The following ARHGEF10 variants were observed in gnomAD, a reference collection of about 807,000 sequenced individuals.
ARHGEF10 encodes Rho guanine nucleotide exchange factor 10.
ARHGEF10 carries 140 observed loss-of-function variants against 147.4 expected under a neutral mutation model. The observed-to-expected ratio is 0.95, with a 90% CI of 0.83 to 1.09. ARHGEF10 has a LOEUF of 1.09. Ranked by LOEUF, ARHGEF10 falls within the 50% of genes least tolerant of loss-of-function variation. The pLI is 0.00. For missense variants in ARHGEF10, 2,222 were observed against 1,752.7 expected (o/e 1.27, Z -4.78); for synonymous variants, 902 against 695.8 (o/e 1.30, Z -4.67).
chr8:1,923,733 C>A, intron 20 of ARHGEF10, 41 bp from the exon 21 acceptor site: 1 of 1,613,300 alleles, frequency 6.2e-7, no homozygotes, highest in Non-Finnish European at 8.5e-7. Flanking sequence ...CAGGATGGAG[C>A]ACGTTTTATA....
intron 25 of ARHGEF10, among the ~76,000 whole-genome samples, chr8:1,932,514 G>T (rs895856040): frequency 1.3e-5 from 2 of 152,126 alleles, no homozygotes; most frequent in African/African-American, 2.4e-5. Context: ...GCATGTGCAC[G>T]TGTGTGTGTG....
chr8:1,936,756 T>TA (rs1400469830), intron 26 of ARHGEF10, among the ~76,000 whole-genome samples: 1 of 152,218 alleles, frequency 6.6e-6, no homozygotes, highest in Admixed American at 6.5e-5. Context: ...TCATGAATCA[T>TA]ATTTGCACAC....
At chr8:1,852,209 C>T (rs1805209614) in intron 2 of ARHGEF10, among the ~76,000 whole-genome samples, 2 of 152,140 alleles carry the variant, frequency 1.3e-5, no homozygotes, top group South Asian at 2.1e-4. Flanking sequence ...CCCTCTAGAA[C>T]CTCTCCATCA....
At chr8:1,886,200 T>G (rs528877173) in intron 11 of ARHGEF10, among the ~76,000 whole-genome samples, 1 of 152,288 alleles carries the variant, frequency 6.6e-6, no homozygotes, top group East Asian at 1.9e-4. Context: ...TGGTTTTCAT[T>G]GGATTGTCTT....
At chr8:1,839,935 TGGTGTGGGGACTGTCC>T (rs1803878640) in intron 1 of ARHGEF10, among the ~76,000 whole-genome samples, 14 of 117,756 alleles carry the variant, frequency 1.2e-4, no homozygotes, top group East Asian at 9.3e-4. Flanking sequence ...GGGGACTGTC[TGGTGTGGGGACTGTCC>T]GGTGTGGAAG....
Position 1,869,441 on chromosome 8 carries a change from C to A in ARHGEF10, c.679+191C>A. Reference sequence around the variant, plus strand: ...GCACATATGTGTGTGTGCTTATAACCCTTGAAATAGGGCAGTTTAATCTTA... The same window carrying A: ...GCACATATGTGTGTGTGCTTATAACACTTGAAATAGGGCAGTTTAATCTTA... On this transcript the variant is annotated intron_variant, in intron 7 of 28. Transcript: ENST00000349830. The A allele has an allele frequency of 8.6e-6, 6 of 699,632 alleles. No homozygotes were observed. In the South Asian group the frequency reaches 9.0e-5, roughly 10 times the overall value. 43.3% of individuals were successfully genotyped at this position (699,632 alleles called of 1,614,324 possible). A position where few individuals can be genotyped will look rare whatever the true frequency, so the allele number is the denominator to read the frequency against.
intron 2 of ARHGEF10, among the ~76,000 whole-genome samples, chr8:1,855,522 C>G (rs996599743): frequency 1.3e-5 from 2 of 151,760 alleles, no homozygotes; most frequent in African/African-American, 4.8e-5. Context: ...GGTGGGACCA[C>G]AGGTCCACGC....
chr8:1,910,461 T>A (rs1811274341), intron 18 of ARHGEF10, among the ~76,000 whole-genome samples: 1 of 152,194 alleles, frequency 6.6e-6, no homozygotes, highest in Non-Finnish European at 1.5e-5. Flanking sequence ...ATTATTACAA[T>A]TTGTAATCTC....
chr8:1,893,738 T>C, intron 12 of ARHGEF10, 92 bp downstream of exon 12: 1 of 1,068,296 alleles, frequency 9.4e-7, no homozygotes, highest in African/African-American at 1.6e-5. Context: ...GCATATATGT[T>C]TATGAAACAT....
chr8:1,875,369 C>T (rs1428745226), intron 7 of ARHGEF10, among the ~76,000 whole-genome samples: 2 of 152,042 alleles, frequency 1.3e-5, no homozygotes, highest in Non-Finnish European at 2.9e-5. Flanking sequence ...GTAGACCCTC[C>T]GCTCTTGGGC....
At chr8:1,841,277 G>T (rs1306398474) in intron 1 of ARHGEF10, among the ~76,000 whole-genome samples, 2 of 152,128 alleles carry the variant, frequency 1.3e-5, no homozygotes, top group East Asian at 3.9e-4. Context: ...AGTAATCTAT[G>T]TAGAAGGTTA....
chr8:1,928,582 G>A lies in ARHGEF10; in HGVS notation c.2853G>A (p.Pro951=), dbSNP rs778651195. 16 of 1,614,072 alleles carry A rather than the reference G, an allele frequency of 9.9e-6. No individual in the cohort carries two copies. Among genetic ancestry groups the A allele is most frequent in the African/African-American group, 1.3e-5 (1 of 74,926 alleles). ...AGCGCAGAGAGCCTGGGGCACCCCC[G>A]GACCCCGAGACCCCGGCCGTGAGAG... The part of the protein sequence containing the change: ...EEKRREPGAP[P]DPETPAVRAS... The change falls in exon 24 of 29, where the codon CCG becomes CCA. Residue 951 remains proline, a synonymous_variant. Coordinates refer to ENST00000349830, the MANE Select transcript of ARHGEF10 (RefSeq NM_014629.4).
At chr8:1,916,542 G>C (rs1323406430) in intron 18 of ARHGEF10, among the ~76,000 whole-genome samples, 1 of 152,188 alleles carries the variant, frequency 6.6e-6, no homozygotes, top group African/African-American at 2.4e-5. Flanking sequence ...TGTGGTTTCA[G>C]CTTTGCACCT....
Position 1,923,773 on chromosome 8 carries a change from G to C in ARHGEF10, c.2388-1G>C. 6.2e-7 allele frequency: 1 copy of C among 1,614,180 alleles called. No individual in the cohort carries two copies. The highest frequency in any genetic ancestry group is 8.5e-7 in the Non-Finnish European group (1 of 1,180,034). On this transcript the variant is annotated splice_acceptor_variant, in intron 20 of 28. Coordinates refer to ENST00000349830, the MANE Select transcript of ARHGEF10 (RefSeq NM_014629.4). LOFTEE classifies it high-confidence loss of function. ...GAATGCTTGTCTGTTGTTTCTGGCA[G>C]ATCTGGGCGACCGACGTTCTTTACA...
intron 6 of ARHGEF10, among the ~76,000 whole-genome samples, chr8:1,867,843 A>G (rs550677147): frequency 6.6e-6 from 1 of 152,214 alleles, no homozygotes; most frequent in Non-Finnish European, 1.5e-5. Context: ...TGATTATTAA[A>G]CTGCCTCCTG....
At chr8:1,880,185 G>T (rs200985040) in intron 9 of ARHGEF10, 21 bp downstream of exon 9, 1 of 1,561,534 alleles carries the variant, frequency 6.4e-7, no homozygotes, top group Non-Finnish European at 8.8e-7. Context: ...GCCCCCGGCC[G>T]CTGCCCCCAC....
At chr8:1,896,508 A>T in intron 14 of ARHGEF10, 59 bp downstream of exon 14, 1 of 1,176,886 alleles carries the variant, frequency 8.5e-7, no homozygotes, top group Non-Finnish European at 1.3e-6. Flanking sequence ...GTTACATGTC[A>T]AAGCTTGACT....
intron 28 of ARHGEF10, among the ~76,000 whole-genome samples, chr8:1,954,449 G>A (rs1415312202): frequency 6.7e-6 from 1 of 149,964 alleles, no homozygotes; most frequent in Non-Finnish European, 1.5e-5. Context: ...CAACCGGCAA[G>A]TGCAATGCAA....
At chr8:1,939,401 C>G (rs1813895247) in intron 26 of ARHGEF10, among the ~76,000 whole-genome samples, 1 of 152,220 alleles carries the variant, frequency 6.6e-6, no homozygotes, top group Non-Finnish European at 1.5e-5. Context: ...ACAGGCCCGG[C>G]TCTCAGTCCC....
Sources: allele counts gnomAD v4.1 joint callset (sites outside exome capture counted in the v4.1 genomes callset), GRCh38; gene constraint gnomAD v4.1.1; transcripts MANE v1.5; gene names NCBI Gene and HGNC (gene_info 2026-07-23, HGNC 2026-07-21).